Variants in CYP2A6 observed in about 807,000 individuals in gnomAD.
CYP2A6 encodes the protein cytochrome P450 2A6.
Under a neutral mutation model 42.3 loss-of-function variants are expected in CYP2A6, and 27 were observed. That is an observed-to-expected ratio of 0.64 (90% CI 0.47 to 0.88). The LOEUF (loss-of-function observed/expected upper bound fraction) is 0.88, where lower values mean the gene tolerates loss of function less well. CYP2A6 is among the 40% of genes least tolerant of loss of function. The probability of loss-of-function intolerance (pLI) is 0.00; values close to 1 mark genes in which losing one functional copy is unlikely to be tolerated. For synonymous variants in CYP2A6, 238 were observed against 246.3 expected (o/e 0.97, Z 0.31); for missense variants, 628 against 646.0 (o/e 0.97, Z 0.30).
At chr19:40,848,867 G>C in intron 2 of CYP2A6, 104 bp from the exon 3 acceptor site, 4 of 1,394,496 alleles carry the variant, frequency 2.9e-6, no homozygotes, top group Non-Finnish European at 3.9e-6. Context: ...AGGGAGTAGG[G>C]TGGGAGAGAG....
Position 40,849,867 on chromosome 19 carries a change from G to T in CYP2A6, c.294C>A (p.Phe98Leu). 1 of 1,611,438 alleles carries T rather than the reference G, an allele frequency of 6.2e-7. No homozygotes were observed. The highest frequency in any genetic ancestry group is 1.3e-5 in the African/African-American group (1 of 74,676). ...AGGTGGCTTGCTCGCCTCGCCCGCT[G>T]AACTCCTCAGCCTGGTCCACCAGAG... Reference protein sequence around the residue: ...REALVDQAEEFSGRGEQATFD... With the variant: ...REALVDQAEELSGRGEQATFD... Residue 98 changes from phenylalanine (F) to leucine (L), a missense_variant, in exon 2 of 9, where the codon TTC (phenylalanine) becomes TTA (leucine). Phe to Leu is a conservative substitution (Grantham distance 22). Coordinates refer to ENST00000301141, the MANE Select transcript of CYP2A6 (RefSeq NM_000762.6).
intron 2 of CYP2A6, among the ~76,000 whole-genome samples, chr19:40,849,305 C>G (rs1299895595): frequency 1.3e-5 from 2 of 150,756 alleles, no homozygotes; most frequent in Non-Finnish European, 2.9e-5. Flanking sequence ...TTAAGCTGAG[C>G]TGGAGAAGAG....
chr19:40,843,650 T>C lies in CYP2A6; in HGVS notation c.*146A>G, dbSNP rs1033302458. The C allele has an allele frequency of 8.7e-6, 10 of 1,149,056 alleles. 1 individual carries two copies. The African/African-American group carries it at 1.2e-4, about 14-fold the overall frequency. 71.2% of individuals were successfully genotyped at this position (1,149,056 alleles called of 1,614,324 possible). On this transcript the variant is annotated 3_prime_UTR_variant, in exon 9 of 9. Coordinates refer to ENST00000301141, the MANE Select transcript of CYP2A6 (RefSeq NM_000762.6). ...TTATCAAGGTGAACTGAGCCGCTTC[T>C]GTTTCTTCTCTTCCCTCTAGCCACC... is the stretch of plus-strand genomic sequence containing the variant.
chr19:40,846,347 T>G (rs1967099241), intron 5 of CYP2A6, among the ~76,000 whole-genome samples: 1 of 143,832 alleles, frequency 7.0e-6, no homozygotes, highest in Non-Finnish European at 1.5e-5. Context: ...TGTCAGTTTT[T>G]TTTTGTTTTT....
rs1218259942 is a variant in CYP2A6, at chr19:40,843,761, C to A, written c.*35G>T. 1 of 1,527,860 alleles carries A rather than the reference C, an allele frequency of 6.5e-7. No individual in the cohort carries two copies. The highest frequency in any genetic ancestry group is 8.8e-7 in the Non-Finnish European group (1 of 1,138,536). The allele number at this position is 1,527,860 out of a possible 1,614,324, so 94.6% of individuals were successfully genotyped here. A position where few individuals can be genotyped will look rare whatever the true frequency, so the allele number is the denominator to read the frequency against. ...GTCTTGGCCCTGCCCTTTCCCTGGC[C>A]CCGCCCACCAGACCTGCACCGGCAC... On this transcript the variant is annotated 3_prime_UTR_variant, in exon 9 of 9. Transcript: ENST00000301141.
chr19:40,844,936 A>G lies in CYP2A6; in HGVS notation c.1162-164T>C, dbSNP rs376822239. On this transcript the variant is annotated intron_variant, in intron 7 of 8. Coordinates refer to ENST00000301141, the MANE Select transcript of CYP2A6 (RefSeq NM_000762.6). ...GAGCTTTGGGGGATAGAAGGTTCAC[A>G]TCTCTGAAACAGGAAGTTTGGGAGA... 1.5e-4 allele frequency: 143 copies of G among 923,860 alleles called. 8 individuals carry two copies. In the East Asian group the frequency reaches 2.7e-3, roughly 18 times the overall value. 57.2% of individuals were successfully genotyped at this position (923,860 alleles called of 1,614,324 possible).
chr19:40,847,058 T>C lies in CYP2A6; in HGVS notation c.655-7A>G. 6.2e-7 allele frequency: 1 copy of C among 1,609,988 alleles called. No individual in the cohort carries two copies. Among genetic ancestry groups the C allele is most frequent in the Non-Finnish European group, 8.5e-7 (1 of 1,178,958 alleles). On this transcript the variant is annotated splice_polypyrimidine_tract_variant and splice_region_variant and intron_variant, in intron 4 of 8. Transcript: ENST00000301141. ...AAGAGAACATCTCATAGAGCTGGGG[T>C]TGCAGAGAGAGGATGGGAAGGGAAG...
intron 2 of CYP2A6, 88 bp from the exon 3 acceptor site, chr19:40,848,851 G>A: frequency 6.7e-7 from 1 of 1,483,358 alleles, no homozygotes; most frequent in Non-Finnish European, 9.1e-7. Context: ...CAAGGGTGGA[G>A]GAGAGAGGGA....
chr19:40,846,755 G>A, intron 5 of CYP2A6, 120 bp downstream of exon 5: 2 of 1,429,974 alleles, frequency 1.4e-6, no homozygotes, highest in East Asian at 2.7e-5. Flanking sequence ...CCAGCCAATT[G>A]TGAGGATTAT....
Position 40,843,993 on chromosome 19 carries a change from G to C in CYP2A6, c.1304-16C>G, listed in dbSNP as rs763962959. 3.2e-6 allele frequency: 5 copies of C among 1,580,032 alleles called. No individual in the cohort carries two copies. The highest frequency in any genetic ancestry group is 4.3e-6 in the Non-Finnish European group (5 of 1,162,802). ...TTCCGCTTTCCTGAGGAGGAGAGGC[G>C]GGAGGGGTGGAGGTGAAGCCCACTC... On this transcript the variant is annotated splice_polypyrimidine_tract_variant and intron_variant, in intron 8 of 8. Transcript: ENST00000301141.
chr19:40,848,821 A>T (rs561651970), intron 2 of CYP2A6, 58 bp from the exon 3 acceptor site: 1 of 1,556,064 alleles, frequency 6.4e-7, no homozygotes, highest in African/African-American at 1.4e-5. Flanking sequence ...GCAGGAGCGG[A>T]GCAGCTCCAA....
chr19:40,848,943 AG>A (rs1967154472), intron 2 of CYP2A6, among the ~76,000 whole-genome samples, 180 bp from the exon 3 acceptor site: 1 of 2,334 alleles, frequency 4.3e-4, no homozygotes, highest in Non-Finnish European at 1.9e-3. Flanking sequence ...GTCGAGGTAG[AG>A]AGAGAGAGAG....
Position 40,849,881 on chromosome 19 carries a change from G to C in CYP2A6, c.280C>G (p.Gln94Glu), listed in dbSNP as rs577267650. The change falls in exon 2 of 9, where the codon CAG (glutamine) becomes GAG (glutamate). Residue 94 changes from glutamine (Q) to glutamate (E), a missense_variant. Around this residue, in one of 2 missense-constraint regions of CYP2A6, gnomAD observed 606 missense variants for 568.1 expected, o/e 1.07. Coordinates refer to ENST00000301141, the MANE Select transcript of CYP2A6 (RefSeq NM_000762.6). ...HDAVREALVDQAEEFSGRGEQ... is the reference protein window; with the variant it reads ...HDAVREALVDEAEEFSGRGEQ... The stretch of plus-strand genomic sequence containing the variant: ...CCTCGCCCGCTGAACTCCTCAGCCT[G>C]GTCCACCAGAGCCTCCCTGACGGCA... 1.2e-6 allele frequency: 2 copies of C among 1,611,568 alleles called. No individual in the cohort carries two copies. Among genetic ancestry groups the C allele is most frequent in the Non-Finnish European group, 1.7e-6 (2 of 1,179,774 alleles).
In CYP2A6 at chr19:40,849,996, G is replaced by T; in HGVS notation, c.181-16C>A. On this transcript the variant is annotated splice_polypyrimidine_tract_variant and intron_variant, in intron 1 of 8. Transcript: ENST00000301141. ...GCTCACTGATCTGATGGAGGTGGGTGGGAGTGGTTAGAGGGAGAAGCCTCC... is the reference window on the plus strand; with the variant it reads ...GCTCACTGATCTGATGGAGGTGGGTTGGAGTGGTTAGAGGGAGAAGCCTCC... 7.5e-6 allele frequency: 12 copies of T among 1,609,882 alleles called. No individual in the cohort carries two copies. The highest frequency in any genetic ancestry group is 1.0e-5 in the Non-Finnish European group (12 of 1,178,678).
At chr19:40,845,197 G>C (rs561177628) in intron 7 of CYP2A6, 97 bp downstream of exon 7, 1 of 1,501,988 alleles carries the variant, frequency 6.7e-7, no homozygotes, top group South Asian at 1.1e-5. Context: ...TGAGGGAGTG[G>C]GACAGGGTCT....
chr19:40,846,770 A>G, intron 5 of CYP2A6, 105 bp downstream of exon 5: 1 of 1,484,280 alleles, frequency 6.7e-7, no homozygotes, highest in Non-Finnish European at 9.1e-7. Flanking sequence ...GATTATTATG[A>G]TGAGGGTTAA....
At chr19:40,849,603 G>C (rs1215132820) in intron 2 of CYP2A6, among the ~76,000 whole-genome samples, 1 of 151,366 alleles carries the variant, frequency 6.6e-6, no homozygotes, top group Non-Finnish European at 1.5e-5. Flanking sequence ...ATAAGGAGGT[G>C]GGGCAGAGAG....
At chr19:40,849,703 C>A in intron 2 of CYP2A6, 115 bp downstream of exon 2, 2 of 1,543,378 alleles carry the variant, frequency 1.3e-6, no homozygotes, top group African/African-American at 1.4e-5. Flanking sequence ...GAGGGAAGAC[C>A]AGACTGGGGA....
chr19:40,845,162 G>A (rs747285430), intron 7 of CYP2A6, 132 bp downstream of exon 7: 15 of 1,133,868 alleles, frequency 1.3e-5, no homozygotes, highest in Non-Finnish European at 1.8e-5. Flanking sequence ...GGATGTGGTG[G>A]TTGGGGAAGT....
Sources: gnomAD v4.1 joint callset for allele counts (sites outside exome capture counted in the v4.1 genomes callset) on GRCh38, gnomAD v4.1.1 for gene constraint, gnomAD v4.1.1 regional missense constraint, MANE v1.5 for transcripts, NCBI Gene and HGNC (gene_info 2026-07-23, HGNC 2026-07-21) for gene names.